Variants in ADAM18 observed in about 807,000 individuals in gnomAD.
The protein encoded by ADAM18 is disintegrin and metalloproteinase domain-containing protein 18.
ADAM18 carries 117 observed loss-of-function variants against 94.4 expected under a neutral mutation model. That is an observed-to-expected ratio of 1.24 (90% CI 1.07 to 1.45). The LOEUF (loss-of-function observed/expected upper bound fraction) is 1.45. ADAM18 is among the 40% of genes most tolerant of loss of function. The pLI is 0.00. For synonymous variants in ADAM18, 327 were observed against 291.6 expected (o/e 1.12, Z -1.24); for missense variants, 936 against 880.0 (o/e 1.06, Z -0.81).
At chr8:39,687,185 C>T (rs1214518059) in intron 16 of ADAM18, among the ~76,000 whole-genome samples, 2 of 152,044 alleles carry the variant, frequency 1.3e-5, no homozygotes, top group African/African-American at 2.4e-5. Flanking sequence ...ACTTAGAATA[C>T]GATAGAAAAT....
intron 7 of ADAM18, among the ~76,000 whole-genome samples, chr8:39,635,642 T>C (rs139153715): frequency 1.4e-4 from 22 of 152,298 alleles, no homozygotes; most frequent in African/African-American, 5.0e-4. Flanking sequence ...CAGTCCTCAA[T>C]TATAAGATCC....
chr8:39,637,556 T>G lies in ADAM18; in HGVS notation c.680T>G (p.Leu227Trp). Reference protein sequence around the residue: ...LVNTMFTQFKLTVILSSLELW... With the variant: ...LVNTMFTQFKWTVILSSLELW... ...TTTTAGATGTTTACCCAGTTCAAAT[T>G]GACTGTTATACTGTCTTCCTTGGAA... is the stretch of plus-strand genomic sequence containing the variant. Residue 227 changes from leucine to tryptophan, a missense_variant, in exon 9 of 20, where the codon TTG (leucine) becomes TGG (tryptophan). By Grantham distance (61) the Leu-to-Trp change is moderately conservative. Transcript: ENST00000265707. 6.2e-7 allele frequency: 1 copy of G among 1,610,070 alleles called. No homozygotes were observed.
intron 18 of ADAM18, among the ~76,000 whole-genome samples, chr8:39,722,627 C>A (rs538407228): frequency 4.0e-5 from 6 of 151,590 alleles, no homozygotes; most frequent in African/African-American, 1.4e-4. Flanking sequence ...TTCACCACTG[C>A]ACAATATATC....
intron 2 of ADAM18, among the ~76,000 whole-genome samples, chr8:39,592,791 A>T (rs753233990): frequency 6.6e-6 from 1 of 152,152 alleles, no homozygotes; most frequent in Non-Finnish European, 1.5e-5. Context: ...TGTAATTCCC[A>T]TGTAACAATC....
chr8:39,707,834 A>G (rs1822284018), intron 18 of ADAM18, among the ~76,000 whole-genome samples: 2 of 152,194 alleles, frequency 1.3e-5, no homozygotes, highest in Admixed American at 6.5e-5. Context: ...TATGAAGTCA[A>G]GAGTATTCAC....
intron 7 of ADAM18, among the ~76,000 whole-genome samples, chr8:39,630,366 G>A (rs1354487536): frequency 1.1e-4 from 17 of 151,002 alleles, no homozygotes; most frequent in Admixed American, 1.1e-3. Context: ...TTATGTATGT[G>A]TGTATATAAG....
chr8:39,636,106 A>G (rs1820069739), intron 7 of ADAM18, among the ~76,000 whole-genome samples: 1 of 151,282 alleles, frequency 6.6e-6, no homozygotes, highest in Non-Finnish European at 1.5e-5. Flanking sequence ...GCAATCTCGA[A>G]CTTCTGGCCT....
chr8:39,610,411 C>T, intron 5 of ADAM18, 118 bp from the exon 6 acceptor site: 1 of 1,237,862 alleles, frequency 8.1e-7, no homozygotes, highest in Non-Finnish European at 1.1e-6. Flanking sequence ...AGAAAATGGG[C>T]TTAAAATGTG....
intron 12 of ADAM18, among the ~76,000 whole-genome samples, chr8:39,648,774 A>G (rs1820452020): frequency 6.6e-6 from 1 of 152,120 alleles, no homozygotes; most frequent in Non-Finnish European, 1.5e-5. Flanking sequence ...TTGATTTTGA[A>G]TATATTGGCT....
intron 19 of ADAM18, among the ~76,000 whole-genome samples, chr8:39,729,694 C>T (rs1823019992): frequency 6.6e-6 from 1 of 151,478 alleles, no homozygotes; most frequent in Non-Finnish European, 1.5e-5. Flanking sequence ...GATAAGTTAC[C>T]TATAATATAG....
intron 7 of ADAM18, among the ~76,000 whole-genome samples, chr8:39,635,649 A>G (rs1195790963): frequency 6.6e-6 from 1 of 152,136 alleles, no homozygotes; most frequent in Non-Finnish European, 1.5e-5. Context: ...CAATTATAAG[A>G]TCCTACATTC....
chr8:39,607,230 C>T (rs1470172860), intron 3 of ADAM18, among the ~76,000 whole-genome samples: 2 of 152,160 alleles, frequency 1.3e-5, no homozygotes, highest in Admixed American at 1.3e-4. Context: ...TCTTTCCCCA[C>T]GTAAGAGCCC....
intron 16 of ADAM18, among the ~76,000 whole-genome samples, chr8:39,687,778 A>G (rs756617079): frequency 9.2e-5 from 14 of 152,132 alleles, no homozygotes; most frequent in Non-Finnish European, 1.6e-4. Flanking sequence ...AGTTGCATCC[A>G]TGTTGCTGCA....
At position 39,692,095 on chromosome 8, in the gene ADAM18, G is replaced by T. The variant is rs574383902; in HGVS notation, c.1822-505G>T. Among the ~76,000 whole-genome samples, 11 of 151,752 alleles carry T rather than the reference G, an allele frequency of 7.2e-5. No homozygotes were observed. In the South Asian group the frequency reaches 1.0e-3, roughly 14 times the overall value. The stretch of plus-strand genomic sequence containing the variant: ...TATTCACCACCATATTACACATTTT[G>T]CCATAATAAAAGTTTTACAAGAAAT... On this transcript the variant is annotated intron_variant, in intron 16 of 19. Coordinates refer to ENST00000265707, the MANE Select transcript of ADAM18 (RefSeq NM_014237.3).
intron 12 of ADAM18, among the ~76,000 whole-genome samples, chr8:39,656,181 G>A (rs1820677127): frequency 6.6e-6 from 1 of 151,798 alleles, no homozygotes; most frequent in Non-Finnish European, 1.5e-5. Flanking sequence ...CACAAAGCTA[G>A]CCAAGGTGAT....
chr8:39,705,293 T>A (rs1822210590), intron 17 of ADAM18, among the ~76,000 whole-genome samples: 1 of 152,164 alleles, frequency 6.6e-6, no homozygotes, highest in Admixed American at 6.6e-5. Flanking sequence ...AATATCACAT[T>A]TTTCTTCATC....
chr8:39,677,334 C>T (rs1821326698), intron 14 of ADAM18, 97 bp from the exon 15 acceptor site: 2 of 949,552 alleles, frequency 2.1e-6, no homozygotes, highest in Admixed American at 6.1e-5. Context: ...TCAACAAGTA[C>T]ATGATCTTTT....
chr8:39,591,314 G>A (rs561563444), intron 2 of ADAM18, among the ~76,000 whole-genome samples: 1 of 152,254 alleles, frequency 6.6e-6, no homozygotes, highest in Non-Finnish European at 1.5e-5. Context: ...AGTATGCAAT[G>A]CTGTTTGATA....
intron 12 of ADAM18, among the ~76,000 whole-genome samples, chr8:39,658,728 T>TA (rs1444647880): frequency 2.0e-5 from 3 of 152,182 alleles, no homozygotes; most frequent in Non-Finnish European, 4.4e-5. Context: ...GTAGGTTGTT[T>TA]ACGCTGGTTT....
Sources: gnomAD v4.1 joint callset for allele counts (sites outside exome capture counted in the v4.1 genomes callset) on GRCh38, gnomAD v4.1.1 for gene constraint, MANE v1.5 for transcripts, NCBI Gene and HGNC (gene_info 2026-07-23, HGNC 2026-07-21) for gene names.